RTL4: variants seen among roughly 807,000 people sequenced by gnomAD.
The protein encoded by RTL4 is retrotransposon Gag-like protein 4.
Under a neutral mutation model 5.3 loss-of-function variants are expected in RTL4, and 4 were observed. That is an observed-to-expected ratio of 0.75 (90% confidence interval 0.37 to 1.72). RTL4 has a LOEUF of 1.72. Ranked by LOEUF, RTL4 falls within the 40% of genes most tolerant of loss-of-function variation. RTL4 has a pLI of 0.04. For missense variants in RTL4, 260 were observed against 227.1 expected (o/e 1.14, Z -0.93); for synonymous variants, 98 against 87.3 (o/e 1.12, Z -0.68).
the RTL4 span, among the ~76,000 whole-genome samples, chrX:112,174,215 A>T: frequency 1.1e-5 from 1 of 91,371 alleles, no homozygotes; most frequent in African/African-American, 4.0e-5. Flanking sequence ...ATATCTCCCA[A>T]TGCTATCCCT....
At chrX:112,382,116 G>A in the RTL4 span, 3 of 1,209,735 alleles carry the variant, frequency 2.5e-6, no homozygotes, top group Admixed American at 4.3e-5. Context: ...TCCTTAATCC[G>A]GGCGAGGCAG....
the RTL4 span, among the ~76,000 whole-genome samples, chrX:112,316,563 G>A: frequency 2.7e-5 from 3 of 111,938 alleles, no homozygotes; most frequent in African/African-American, 9.7e-5. Flanking sequence ...AAAACCCTAT[G>A]CTTCTACCTT....
At chrX:112,401,042 C>T in the RTL4 span, among the ~76,000 whole-genome samples, 2 of 112,003 alleles carry the variant, frequency 1.8e-5, no homozygotes, top group African/African-American at 6.5e-5. Context: ...GTCCATCTGT[C>T]AGGGATCACT....
the RTL4 span, among the ~76,000 whole-genome samples, chrX:112,161,831 TCC>T: frequency 0.015 from 667 of 44,234 alleles, 8 homozygotes; most frequent in Non-Finnish European, 0.021. Context: ...CTTCCTTCCT[TCC>T]TTCCTTCCTT....
At chrX:112,280,233 T>G in the RTL4 span, among the ~76,000 whole-genome samples, 2 of 111,406 alleles carry the variant, frequency 1.8e-5, no homozygotes, top group Non-Finnish European at 3.8e-5. Context: ...AAACATCACA[T>G]GTTCTCATTT....
At chrX:112,455,923 G>T (rs1337701615) in exon 1 of RTL4, 1 of 357,033 alleles carries the variant, frequency 2.8e-6, no homozygotes, top group East Asian at 4.6e-5. Flanking sequence ...CCAAAAACCT[G>T]CAGGCAAAAC....
At chrX:112,397,561 G>T in the RTL4 span, among the ~76,000 whole-genome samples, 1 of 111,630 alleles carries the variant, frequency 9.0e-6, no homozygotes, top group Non-Finnish European at 1.9e-5. Flanking sequence ...TTGTTACACT[G>T]AGCTGAATTT....
At chrX:112,200,259 CA>C in the RTL4 span, among the ~76,000 whole-genome samples, 3 of 111,980 alleles carry the variant, frequency 2.7e-5, no homozygotes, top group Non-Finnish European at 5.6e-5. Flanking sequence ...TGCAATGTGA[CA>C]GGGGGAAAGA....
At chrX:112,432,249 A>G in the RTL4 span, among the ~76,000 whole-genome samples, 2 of 100,136 alleles carry the variant, frequency 2.0e-5, no homozygotes, top group East Asian at 3.1e-4. Flanking sequence ...TATACCCAGT[A>G]ATGGGATGGC....
chrX:112,381,888 G>A, the RTL4 span: 2 of 1,210,144 alleles, frequency 1.7e-6, no homozygotes, highest in Non-Finnish European at 2.2e-6. Flanking sequence ...AGGCTATTGG[G>A]AAAGAGAAAA....
At chrX:112,295,327 C>T in the RTL4 span, among the ~76,000 whole-genome samples, 1 of 111,721 alleles carries the variant, frequency 9.0e-6, no homozygotes, top group Admixed American at 9.5e-5. Context: ...ACTAACATCT[C>T]CTTATCTCCC....
the RTL4 span, among the ~76,000 whole-genome samples, chrX:112,307,311 T>A: frequency 8.9e-6 from 1 of 111,830 alleles, no homozygotes; most frequent in South Asian, 3.8e-4. Flanking sequence ...TCAGAAAGGT[T>A]AACTTGTCCA....
the RTL4 span, among the ~76,000 whole-genome samples, chrX:112,436,851 C>T: frequency 2.2e-4 from 24 of 111,197 alleles, no homozygotes; most frequent in African/African-American, 7.8e-4. Flanking sequence ...AGTTCCTTAC[C>T]AACCAGAAAA....
chrX:112,452,501 G>A (rs747052196), upstream of RTL4, among the ~76,000 whole-genome samples: 89 of 110,088 alleles, frequency 8.1e-4, no homozygotes, highest in African/African-American at 2.7e-3. Flanking sequence ...CATCTGGGAA[G>A]TGGTAGATGT....
chrX:112,129,151 T>G, the RTL4 span, among the ~76,000 whole-genome samples: 1 of 112,015 alleles, frequency 8.9e-6, no homozygotes, highest in South Asian at 3.7e-4. Context: ...CACTTTACAC[T>G]TTACACCCAT....
the RTL4 span, among the ~76,000 whole-genome samples, chrX:112,305,089 A>G: frequency 9.1e-6 from 1 of 110,488 alleles, no homozygotes; most frequent in Non-Finnish European, 1.9e-5. Context: ...AAGAATCTAC[A>G]TGCAAGCAAA....
chrX:112,157,906 A>T, the RTL4 span, among the ~76,000 whole-genome samples: 1 of 110,350 alleles, frequency 9.1e-6, no homozygotes, highest in African/African-American at 3.3e-5. Flanking sequence ...CTGTTTAAAA[A>T]CTCACCTTTG....
the RTL4 span, among the ~76,000 whole-genome samples, chrX:112,119,926 G>A: frequency 8.9e-6 from 1 of 112,138 alleles, no homozygotes; most frequent in Non-Finnish European, 1.9e-5. Flanking sequence ...TACCTTTCAT[G>A]TTATTGGCAA....
the RTL4 span, among the ~76,000 whole-genome samples, chrX:112,105,125 C>G: frequency 9.0e-6 from 1 of 111,713 alleles, no homozygotes; most frequent in Non-Finnish European, 1.9e-5. Context: ...CCAGTTTTCT[C>G]ATCATAATTT....
Sources: allele counts gnomAD v4.1 joint callset (sites outside exome capture counted in the v4.1 genomes callset), GRCh38; gene constraint gnomAD v4.1.1; transcripts MANE v1.5; gene names NCBI Gene and HGNC (gene_info 2026-07-23, HGNC 2026-07-21).